Variants in ANO10 observed in about 807,000 individuals in gnomAD.
ANO10 encodes the protein anoctamin-10.
Under a neutral mutation model 74.7 loss-of-function variants are expected in ANO10, and 77 were observed. The ratio of observed to expected loss-of-function variants is 1.03; its 90% confidence interval spans 0.86 to 1.25. The LOEUF (loss-of-function observed/expected upper bound fraction) is 1.25. Among genes scored for constraint, ANO10 ranks in the 50% most tolerant of loss-of-function variants. ANO10 has a pLI of 0.00. For synonymous variants in ANO10, 279 were observed against 284.9 expected, an observed-to-expected ratio of 0.98 and a Z score of 0.21; for missense variants, 721 against 778.1, an observed-to-expected ratio of 0.93 and a Z score of 0.87.
intron 1 of ANO10, among the ~76,000 whole-genome samples, chr3:43,675,488 C>T (rs1271506956): frequency 2.6e-5 from 4 of 151,948 alleles, no homozygotes; most frequent in Admixed American, 2.0e-4. Flanking sequence ...AACTACATAC[C>T]TGACAAAGGA....
In ANO10 at chr3:43,600,515, A is replaced by T. The variant is rs2149481901; in HGVS notation, c.206T>A (p.Leu69Ter). The change falls in exon 3 of 13, where the codon TTA (leucine) becomes TAA (stop). Residue 69 changes from leucine to a stop codon, truncating the protein, a stop_gained. Coordinates refer to ENST00000292246, the MANE Select transcript of ANO10 (RefSeq NM_018075.5). LOFTEE classifies it high-confidence loss of function. ...YEQETLENQNLYLVGASKIRM... is the reference protein window; with the variant it reads ...YEQETLENQN ...AATCTTGGAGGCACCAACAAGATAT[A>T]AGTTCTGATTTTCTAGTGTTTCTTG... The T allele has an allele frequency of 6.2e-7, 1 of 1,613,844 alleles. No homozygotes were observed. The highest frequency in any genetic ancestry group is 1.6e-4 in the Middle Eastern group (1 of 6,062).
At chr3:43,493,978 C>T (rs943909710) in intron 11 of ANO10, among the ~76,000 whole-genome samples, 4 of 152,122 alleles carry the variant, frequency 2.6e-5, no homozygotes, top group Non-Finnish European at 5.9e-5. Context: ...TTAAGCAATC[C>T]TCCCACTTCT....
chr3:43,487,348 T>A (rs1268136732), intron 11 of ANO10, among the ~76,000 whole-genome samples: 1 of 152,168 alleles, frequency 6.6e-6, no homozygotes, highest in Non-Finnish European at 1.5e-5. Flanking sequence ...TCCCTCTTTT[T>A]CTATTGATTG....
intron 11 of ANO10, among the ~76,000 whole-genome samples, chr3:43,536,107 C>T (rs1444032226): frequency 5.9e-5 from 9 of 152,314 alleles, no homozygotes; most frequent in Middle Eastern, 3.4e-3. Flanking sequence ...GCTTAGGATA[C>T]TTTGTAGATT....
chr3:43,420,120 C>T (rs1277234244), intron 12 of ANO10, among the ~76,000 whole-genome samples: 1 of 152,098 alleles, frequency 6.6e-6, no homozygotes. Flanking sequence ...AATATTCAGT[C>T]ATATTCTTGA....
At chr3:43,375,711 GGC>G (rs1367729742) in intron 12 of ANO10, among the ~76,000 whole-genome samples, 1 of 152,110 alleles carries the variant, frequency 6.6e-6, no homozygotes, top group Non-Finnish European at 1.5e-5. Flanking sequence ...AGAATCCTCA[GGC>G]AGGACTCCCT....
At chr3:43,589,670 G>A (rs986942541) in intron 4 of ANO10, among the ~76,000 whole-genome samples, 2 of 152,062 alleles carry the variant, frequency 1.3e-5, no homozygotes, top group Non-Finnish European at 2.9e-5. Context: ...GAGCAATTTG[G>A]CAGTATCTAC....
At chr3:43,534,433 C>T (rs1297601012) in intron 11 of ANO10, among the ~76,000 whole-genome samples, 4 of 149,840 alleles carry the variant, frequency 2.7e-5, no homozygotes, top group East Asian at 2.0e-4. Context: ...ACTCTGTTCA[C>T]GTGTATGTGA....
At chr3:43,681,961 C>T (rs1474202249) in intron 1 of ANO10, among the ~76,000 whole-genome samples, 3 of 151,968 alleles carry the variant, frequency 2.0e-5, no homozygotes, top group Non-Finnish European at 4.4e-5. Flanking sequence ...GCACTAAATG[C>T]CCACAAGAGA....
At chr3:43,505,869 T>C (rs1237615821) in intron 11 of ANO10, among the ~76,000 whole-genome samples, 2 of 152,216 alleles carry the variant, frequency 1.3e-5, no homozygotes, top group African/African-American at 4.8e-5. Flanking sequence ...TAAAAGATAC[T>C]TGTGGAAGAA....
At chr3:43,504,563 TAA>T (rs139835846) in intron 11 of ANO10, among the ~76,000 whole-genome samples, 1 of 151,788 alleles carries the variant, frequency 6.6e-6, no homozygotes, top group East Asian at 1.9e-4. Context: ...TTACTGTTCA[TAA>T]AAAAAACAGA....
intron 5 of ANO10, 121 bp from the exon 6 acceptor site, chr3:43,577,382 A>T: frequency 1.0e-6 from 1 of 978,182 alleles, no homozygotes; most frequent in Non-Finnish European, 1.6e-6. Context: ...CTTCCCAAAC[A>T]GCGTGTGGTG....
intron 1 of ANO10, among the ~76,000 whole-genome samples, chr3:43,643,036 CT>C (rs537354306): frequency 1.5e-3 from 220 of 142,696 alleles, no homozygotes; most frequent in East Asian, 2.0e-3. Context: ...TTTCTTTTTT[CT>C]TTTTTTTTTT....
At chr3:43,452,776 A>C (rs2074936008) in intron 11 of ANO10, among the ~76,000 whole-genome samples, 1 of 152,234 alleles carries the variant, frequency 6.6e-6, no homozygotes. Context: ...CAGTGGCTGT[A>C]CCATTTCACA....
intron 4 of ANO10, among the ~76,000 whole-genome samples, chr3:43,584,006 A>G (rs1345341022): frequency 6.6e-6 from 1 of 152,146 alleles, no homozygotes; most frequent in Non-Finnish European, 1.5e-5. Context: ...ATGTTAAGAA[A>G]CCTTGGATCC....
At chr3:43,560,463 A>G (rs988458416) in intron 9 of ANO10, among the ~76,000 whole-genome samples, 1 of 152,240 alleles carries the variant, frequency 6.6e-6, no homozygotes, top group African/African-American at 2.4e-5. Context: ...AAGATGAAAA[A>G]CAAGACTATG....
At chr3:43,672,264 C>G (rs1355904470) in intron 1 of ANO10, among the ~76,000 whole-genome samples, 1 of 152,166 alleles carries the variant, frequency 6.6e-6, no homozygotes, top group African/African-American at 2.4e-5. Context: ...TGGTTCACGC[C>G]TGTAATCCCA....
intron 1 of ANO10, among the ~76,000 whole-genome samples, chr3:43,653,366 A>G (rs185963482): frequency 1.1e-3 from 175 of 152,354 alleles, no homozygotes; most frequent in African/African-American, 4.1e-3. Flanking sequence ...TTGAAGCACC[A>G]TGAAACACCT....
intron 7 of ANO10, among the ~76,000 whole-genome samples, chr3:43,567,152 G>T (rs2080406503): frequency 6.6e-6 from 1 of 152,080 alleles, no homozygotes; most frequent in African/African-American, 2.4e-5. Flanking sequence ...AAAAAGAAAT[G>T]AGCAAAGCCT....
Sources: gnomAD v4.1 joint callset for allele counts (sites outside exome capture counted in the v4.1 genomes callset) on GRCh38, gnomAD v4.1.1 for gene constraint, MANE v1.5 for transcripts, NCBI Gene and HGNC (gene_info 2026-07-23, HGNC 2026-07-21) for gene names.